Variants in SLC66A3 observed in about 807,000 individuals in gnomAD.
SLC66A3 encodes PQ loop repeat containing 3.
SLC66A3 carries 23 observed loss-of-function variants against 25.5 expected under a neutral mutation model. That is an observed-to-expected ratio of 0.90 (90% CI 0.65 to 1.28). The LOEUF is 1.28. Ranked by LOEUF, SLC66A3 falls within the 50% of genes most tolerant of loss-of-function variation. SLC66A3 has a pLI of 0.00. For missense variants in SLC66A3, 246 were observed against 262.1 expected (o/e 0.94, Z 0.42); for synonymous variants, 108 against 112.6 (o/e 0.96, Z 0.26).
At chr2:11,157,767 C>T (rs1486742659) in intron 1 of SLC66A3, among the ~76,000 whole-genome samples, 1 of 152,244 alleles carries the variant, frequency 6.6e-6, no homozygotes, top group Non-Finnish European at 1.5e-5. Flanking sequence ...AGGGCAGGAG[C>T]CTCTGCCCAG....
chr2:11,163,600 A>T (rs1662200570), intron 3 of SLC66A3, among the ~76,000 whole-genome samples: 1 of 152,256 alleles, frequency 6.6e-6, no homozygotes, highest in Non-Finnish European at 1.5e-5. Context: ...GACTTGCCCA[A>T]GGGCACTCCA....
chr2:11,173,680 A>G (rs1244656995), intron 5 of SLC66A3, among the ~76,000 whole-genome samples: 1 of 152,176 alleles, frequency 6.6e-6, no homozygotes, highest in Admixed American at 6.5e-5. Flanking sequence ...GTGTTAGCAG[A>G]GAGTTTTGAC....
chr2:11,171,916 T>C lies in SLC66A3; in HGVS notation c.355-9T>C. The C allele has an allele frequency of 6.2e-7, 1 of 1,613,700 alleles. No homozygotes were observed. ...ACTCGTGACTTTCTCACATTTTATC[T>C]GCAAACAGAATCTATGTACTTTCAT... On this transcript the variant is annotated splice_polypyrimidine_tract_variant and intron_variant, in intron 4 of 6. Transcript: ENST00000295083.
rs768088643 is a variant in SLC66A3, at chr2:11,172,025, T to A, written c.455T>A (p.Leu152His). The change falls in exon 5 of 7, where the codon CTC (leucine) becomes CAC (histidine). Residue 152 changes from leucine to histidine, a missense_variant. Leu to His is a moderately conservative substitution (Grantham distance 99). This residue lies in a region of SLC66A3 where 93 missense variants were observed against 102.6 expected (regional missense o/e 0.91). Transcript: ENST00000295083. ...ACTGTGAGTGCGCTGACTTGGAGCC[T>A]CTCTTCCTATACCTGTGCAAGTAAG... is the stretch of plus-strand genomic sequence containing the variant. ...SGTVSALTWS[L>H]SSYTCATRII... 1.9e-6 allele frequency: 3 copies of A among 1,614,016 alleles called. No individual in the cohort carries two copies. The South Asian group carries it at 3.3e-5, about 18-fold the overall frequency.
intron 6 of SLC66A3, among the ~76,000 whole-genome samples, chr2:11,175,426 C>T (rs1662704753): frequency 1.3e-5 from 2 of 152,144 alleles, no homozygotes; most frequent in South Asian, 4.1e-4. Context: ...GAGGTTTAGC[C>T]AGAGGAAAGG....
chr2:11,165,326 C>T (rs879647601), intron 4 of SLC66A3, among the ~76,000 whole-genome samples: 16 of 150,390 alleles, frequency 1.1e-4, no homozygotes, highest in Non-Finnish European at 2.1e-4. Flanking sequence ...CAGAGGCGCT[C>T]CCCACATCTC....
intron 3 of SLC66A3, among the ~76,000 whole-genome samples, chr2:11,161,549 C>T (rs766020312): frequency 5.9e-5 from 9 of 152,156 alleles, no homozygotes; most frequent in Non-Finnish European, 8.8e-5. Flanking sequence ...GACAGGGTCT[C>T]ACTATGTCAC....
intron 5 of SLC66A3, among the ~76,000 whole-genome samples, chr2:11,174,586 T>G (rs1346318171): frequency 6.6e-6 from 1 of 151,944 alleles, no homozygotes; most frequent in Non-Finnish European, 1.5e-5. Flanking sequence ...AACCTTTGCC[T>G]CCCAGGTTCA....
rs754686099 is a variant in SLC66A3, at chr2:11,160,484, G to A, written c.162G>A (p.Arg54=). 1 of 1,614,038 alleles carries A rather than the reference G, an allele frequency of 6.2e-7. No homozygotes were observed. The highest frequency in any genetic ancestry group is 2.2e-5 in the East Asian group (1 of 44,888). ...LELAGFLVFL[R]YQCYYGYPPL... ...TCTCCAGATTCCTGGTGTTTCTGCG[G>A]TACCAGTGTTACTATGGGTATCCGC... The change falls in exon 2 of 7, where the codon CGG becomes CGA. Residue 54 remains arginine (R), a synonymous_variant. Coordinates refer to ENST00000295083, the MANE Select transcript of SLC66A3 (RefSeq NM_152391.5).
Position 11,171,987 on chromosome 2 carries a change from G to T in SLC66A3, c.417G>T (p.Thr139=). ...KFAQLQCLWK[T]RDSGTVSALT... ...CACAGCTCCAGTGTCTGTGGAAGAC[G>T]AGAGACTCAGGAACTGTGAGTGCGC... Residue 139 remains threonine (T), a synonymous_variant, in exon 5 of 7, where the codon ACG becomes ACT. Transcript: ENST00000295083. 6.2e-7 allele frequency: 1 copy of T among 1,613,996 alleles called. No homozygotes were observed. The highest frequency in any genetic ancestry group is 1.1e-5 in the South Asian group (1 of 91,072).
chr2:11,166,887 T>G (rs1272032174), intron 4 of SLC66A3, among the ~76,000 whole-genome samples: 1 of 152,156 alleles, frequency 6.6e-6, no homozygotes, highest in Non-Finnish European at 1.5e-5. Context: ...AGAGCGAGAC[T>G]GCATCTCAAA....
At chr2:11,177,295 A>G (rs1558262206) in intron 6 of SLC66A3, among the ~76,000 whole-genome samples, 1 of 152,132 alleles carries the variant, frequency 6.6e-6, no homozygotes, top group Non-Finnish European at 1.5e-5. Context: ...CCCTGTCTCT[A>G]CTAAAAATAC....
chr2:11,164,961 T>C (rs1052909821), intron 4 of SLC66A3, among the ~76,000 whole-genome samples: 19 of 152,232 alleles, frequency 1.2e-4, no homozygotes, highest in Non-Finnish European at 2.4e-4. Context: ...AGCAACAATC[T>C]GATTTCTCTA....
intron 1 of SLC66A3, among the ~76,000 whole-genome samples, chr2:11,156,539 G>A (rs1261105895): frequency 6.6e-6 from 1 of 152,092 alleles, no homozygotes; most frequent in African/African-American, 2.4e-5. Context: ...TGGGCGGGGT[G>A]GGGGGTGCGG....
intron 1 of SLC66A3, chr2:11,160,243 G>A: frequency 3.3e-6 from 2 of 606,812 alleles, no homozygotes; most frequent in Non-Finnish European, 5.9e-6. Context: ...CGTGGGTATT[G>A]CACTGTGGCC....
At chr2:11,159,898 C>T (rs11884623) in intron 1 of SLC66A3, among the ~76,000 whole-genome samples, 1 of 152,184 alleles carries the variant, frequency 6.6e-6, no homozygotes, top group African/African-American at 2.4e-5. Context: ...GAGGGTGGTT[C>T]TTCACGCTTT....
rs1214933307 is a variant in SLC66A3 at position 11,178,813 on chromosome 2, A to G, written c.*985A>G. The G allele has an allele frequency of 6.6e-6, 1 of 152,222 alleles. No homozygotes were observed. Among genetic ancestry groups the G allele is most frequent in the Non-Finnish European group, 1.5e-5 (1 of 68,036 alleles). The allele number at this position is 152,222 out of a possible 1,614,324, so 9.4% of individuals were successfully genotyped here. On this transcript the variant is annotated 3_prime_UTR_variant, in exon 7 of 7. Coordinates refer to ENST00000295083, the MANE Select transcript of SLC66A3 (RefSeq NM_152391.5). ...GTTAGATGCAGTAATGATGTTTACC[A>G]GAGATTATTGTTTCCTATGCAAAAT...
At chr2:11,171,386 T>C (rs191370666) in intron 4 of SLC66A3, among the ~76,000 whole-genome samples, 2 of 152,296 alleles carry the variant, frequency 1.3e-5, no homozygotes, top group Non-Finnish European at 2.9e-5. Context: ...GTTTCAACTT[T>C]GTACAAATCC....
rs1282499169 is a variant in SLC66A3 at position 11,178,525 on chromosome 2, G to C, written c.*697G>C. Reference sequence around the variant, plus strand: ...AATCCCAGTAAGCTTTCTGATTCAAGTACAATGCTGCCATTTTTTAAAGGG... The same window carrying C: ...AATCCCAGTAAGCTTTCTGATTCAACTACAATGCTGCCATTTTTTAAAGGG... On this transcript the variant is annotated 3_prime_UTR_variant, in exon 7 of 7. Transcript: ENST00000295083. 1 of 152,544 alleles carries C rather than the reference G, an allele frequency of 6.6e-6. No individual in the cohort carries two copies. Among genetic ancestry groups the C allele is most frequent in the African/African-American group, 2.4e-5 (1 of 41,424 alleles). The allele number at this position is 152,544 out of a possible 1,614,324, so 9.4% of individuals were successfully genotyped here. A position where few individuals can be genotyped will look rare whatever the true frequency, so the allele number is the denominator to read the frequency against.
Sources: gnomAD v4.1 joint callset for allele counts (sites outside exome capture counted in the v4.1 genomes callset) on GRCh38, gnomAD v4.1.1 for gene constraint, gnomAD v4.1.1 regional missense constraint, MANE v1.5 for transcripts, NCBI Gene and HGNC (gene_info 2026-07-23, HGNC 2026-07-21) for gene names.